The following HEXB variants were observed in gnomAD, a reference collection of about 807,000 sequenced individuals.
HEXB encodes the protein hexosaminidase subunit beta, also known as beta-hexosaminidase subunit beta.
A neutral mutation model predicts 71.2 loss-of-function variants in HEXB; 51 were observed. The observed-to-expected ratio is 0.72, with a 90% confidence interval of 0.57 to 0.90. HEXB has a LOEUF of 0.90. Ranked by LOEUF, HEXB falls within the 40% of genes least tolerant of loss-of-function variation. The probability of loss-of-function intolerance (pLI) is 0.00; values close to 1 mark genes in which losing one functional copy is unlikely to be tolerated. For missense variants in HEXB, 617 were observed against 677.0 expected, an observed-to-expected ratio of 0.91 and a Z score of 0.98; for synonymous variants, 266 against 249.3, an observed-to-expected ratio of 1.07 and a Z score of -0.63.
At chr5:74,721,011 G>A (rs2112187885) in intron 13 of HEXB, 107 bp from the exon 14 acceptor site, 1 of 1,000,268 alleles carries the variant, frequency 1.0e-6, no homozygotes, top group Non-Finnish European at 1.6e-6. Flanking sequence ...GTGATTTAGT[G>A]ATTCTAATTT....
At chr5:74,673,224 T>C (rs1376134379) in intron 1 of HEXB, among the ~76,000 whole-genome samples, 1 of 152,230 alleles carries the variant, frequency 6.6e-6, no homozygotes, top group Non-Finnish European at 1.5e-5. Context: ...CCAGAGCAGA[T>C]TTAACTCCAA....
upstream of HEXB, among the ~76,000 whole-genome samples, chr5:74,680,966 CAT>C: frequency 6.6e-6 from 1 of 152,328 alleles, no homozygotes; most frequent in African/African-American, 2.4e-5. Context: ...TCCACTTTTT[CAT>C]ATTTCAGTCA....
At chr5:74,683,381 G>T (rs976533461), upstream of HEXB, among the ~76,000 whole-genome samples, 3 of 151,456 alleles carry the variant, frequency 2.0e-5, no homozygotes, top group Admixed American at 6.6e-5. Flanking sequence ...TCGGCTCACT[G>T]CAACCTCTGC....
chr5:74,646,725 G>A (rs1305131208), intron 1 of HEXB, among the ~76,000 whole-genome samples: 2 of 151,880 alleles, frequency 1.3e-5, no homozygotes, highest in Non-Finnish European at 2.9e-5. Flanking sequence ...CTGCCACCGC[G>A]CCCAGCTAAT....
At chr5:74,644,576 G>A (rs977139717) in intron 1 of HEXB, among the ~76,000 whole-genome samples, 8 of 152,004 alleles carry the variant, frequency 5.3e-5, no homozygotes, top group South Asian at 2.1e-4. Context: ...ACAGGTAATC[G>A]ATACAAGAAA....
At chr5:74,719,223 A>G (rs1749751575) in intron 11 of HEXB, among the ~76,000 whole-genome samples, 1 of 152,204 alleles carries the variant, frequency 6.6e-6, no homozygotes, top group Non-Finnish European at 1.5e-5. Context: ...AAAGTATTAT[A>G]GATCCCCTTA....
chr5:74,679,016 A>G (rs1748687006), intron 1 of HEXB, among the ~76,000 whole-genome samples: 1 of 152,262 alleles, frequency 6.6e-6, no homozygotes, highest in Admixed American at 6.5e-5. Context: ...ATGGATACTC[A>G]TACACTGTTG....
chr5:74,668,284 T>G (rs1368584067), intron 1 of HEXB, among the ~76,000 whole-genome samples: 1 of 152,050 alleles, frequency 6.6e-6, no homozygotes, highest in Non-Finnish European at 1.5e-5. Flanking sequence ...GTTCTTTGAT[T>G]TTGAATTCTG....
At chr5:74,678,984 T>C (rs1379392664) in intron 1 of HEXB, among the ~76,000 whole-genome samples, 2 of 152,218 alleles carry the variant, frequency 1.3e-5, no homozygotes, top group African/African-American at 2.4e-5. Flanking sequence ...AGATTAATAA[T>C]GTGGAATGAG....
chr5:74,672,389 A>G (rs374536393), intron 1 of HEXB, among the ~76,000 whole-genome samples: 63 of 152,332 alleles, frequency 4.1e-4, no homozygotes, highest in African/African-American at 1.3e-3. Flanking sequence ...CTTCGTGCCA[A>G]TATTGCCCAG....
At chr5:74,679,089 G>C (rs1748688679) in intron 1 of HEXB, among the ~76,000 whole-genome samples, 1 of 152,138 alleles carries the variant, frequency 6.6e-6, no homozygotes, top group African/African-American at 2.4e-5. Context: ...CTTAAGCCTT[G>C]GTAATTTGCT....
chr5:74,653,802 T>C (rs1365226302), intron 1 of HEXB, among the ~76,000 whole-genome samples: 1 of 152,140 alleles, frequency 6.6e-6, no homozygotes, highest in African/African-American at 2.4e-5. Context: ...AGATAGCACA[T>C]AAGCCAAAAT....
intron 2 of HEXB, among the ~76,000 whole-genome samples, chr5:74,692,797 C>A (rs930916549): frequency 6.6e-6 from 1 of 152,190 alleles, no homozygotes; most frequent in African/African-American, 2.4e-5. Context: ...GTGGCAAAGT[C>A]CAAAGCTGTT....
At chr5:74,714,698 T>A (rs895499172) in intron 7 of HEXB, among the ~76,000 whole-genome samples, 1 of 152,228 alleles carries the variant, frequency 6.6e-6, no homozygotes, top group East Asian at 1.9e-4. Context: ...GAATTAGTAG[T>A]AGCTATCATG....
At chr5:74,664,448 A>AAAAAAAAC (rs756960235) in intron 1 of HEXB, among the ~76,000 whole-genome samples, 50 of 126,622 alleles carry the variant, frequency 3.9e-4, no homozygotes, top group South Asian at 5.1e-4. Flanking sequence ...AAAAAAAAAA[A>AAAAAAAAC]AAAAACAGAG....
intron 3 of HEXB, among the ~76,000 whole-genome samples, chr5:74,694,072 T>C (rs1404369534): frequency 6.6e-6 from 1 of 152,060 alleles, no homozygotes; most frequent in Non-Finnish European, 1.5e-5. Context: ...GGTGGGAGGA[T>C]TGCTTGAGTC....
Position 74,718,963 on chromosome 5 carries a change from A to G in HEXB, c.1409A>G (p.Asp470Gly), listed in dbSNP as rs769791191. The G allele has an allele frequency of 1.2e-6, 2 of 1,613,986 alleles. No individual in the cohort carries two copies. Among genetic ancestry groups the G allele is most frequent in the African/African-American group, 1.3e-5 (1 of 74,888 alleles). The change falls in exon 11 of 14, where the codon GAT (aspartate) becomes GGT (glycine). Residue 470 changes from aspartate (D) to glycine (G), a missense_variant. By Grantham distance (94) the Asp-to-Gly change is moderately conservative. Coordinates refer to ENST00000261416, the MANE Select transcript of HEXB (RefSeq NM_000521.4). Reference sequence around the variant, plus strand: ...AAATACTATAAAGTGGAACCTCTTGATTTTGGCGGTAAGTGAAGCAGTTGG... The same window carrying G: ...AAATACTATAAAGTGGAACCTCTTGGTTTTGGCGGTAAGTGAAGCAGTTGG... ...WRKYYKVEPLDFGGTQKQKQL... is the reference protein window; with the variant it reads ...WRKYYKVEPLGFGGTQKQKQL...
chr5:74,694,977 AAAAT>A (rs1447153046), intron 3 of HEXB, among the ~76,000 whole-genome samples: 30 of 152,224 alleles, frequency 2.0e-4, no homozygotes, highest in African/African-American at 7.0e-4. Flanking sequence ...CTCAAAAAAC[AAAAT>A]AAATAAAGAT....
intron 13 of HEXB, 132 bp from the exon 14 acceptor site, chr5:74,720,985 TA>T: frequency 1.1e-6 from 1 of 879,560 alleles, no homozygotes; most frequent in Non-Finnish European, 1.8e-6. Flanking sequence ...TTTCTTCCCT[TA>T]TTTTCAGTAA....
Sources: allele counts gnomAD v4.1 joint callset (sites outside exome capture counted in the v4.1 genomes callset), GRCh38; gene constraint gnomAD v4.1.1; transcripts MANE v1.5; gene names NCBI Gene and HGNC (gene_info 2026-07-23, HGNC 2026-07-21).